Variants in HCFC1R1 observed in about 807,000 individuals in gnomAD.
HCFC1R1 encodes the protein host cell factor C1 regulator 1, also known as HCF-1 beta-propeller-interacting protein.
Under a neutral mutation model 13.3 loss-of-function variants are expected in HCFC1R1, and 17 were observed. That is an observed-to-expected ratio of 1.28 (90% CI 0.87 to 1.91). The LOEUF (loss-of-function observed/expected upper bound fraction) is 1.91. HCFC1R1 is among the 40% of genes most tolerant of loss of function. The pLI, the probability that HCFC1R1 is intolerant of heterozygous loss-of-function variation, is 0.00. For missense variants in HCFC1R1, 218 were observed against 177.9 expected (o/e 1.23, Z -1.28); for synonymous variants, 87 against 71.1 (o/e 1.22, Z -1.12).
rs1208521376 is a variant in HCFC1R1 at position 3,023,508 on chromosome 16, G to C, written c.118C>G (p.Pro40Ala). The C allele has an allele frequency of 6.2e-7, 1 of 1,605,710 alleles. No homozygotes were observed. The highest frequency in any genetic ancestry group is 1.1e-5 in the South Asian group (1 of 90,784). ...DASSPLRGAV[P>A]MSTKRRLEEE... Reference sequence around the variant, plus strand: ...TCCAGGCGCCGCTTGGTGCTCATGGGCACAGCTCCTCGGAGAGGGGAGCTG... The same window carrying C: ...TCCAGGCGCCGCTTGGTGCTCATGGCCACAGCTCCTCGGAGAGGGGAGCTG... Residue 40 changes from proline to alanine, a missense_variant, in exon 2 of 4, where the codon CCC becomes GCC. Pro to Ala is a conservative substitution (Grantham distance 27, BLOSUM62 -1). Transcript: ENST00000248089.
chr16:3,024,232 G>A, upstream of HCFC1R1: 1 of 1,522,014 alleles, frequency 6.6e-7, no homozygotes, highest in Admixed American at 1.7e-5. Context: ...CGCGCCGAAG[G>A]CGGTAGGGCG....
intron 1 of HCFC1R1, 117 bp downstream of exon 1, chr16:3,023,730 C>T (rs2072689492): frequency 1.1e-5 from 12 of 1,051,628 alleles, no homozygotes; most frequent in Admixed American, 2.2e-5. Context: ...CATCTCAGCT[C>T]ACGCCTAAGC....
upstream of HCFC1R1, chr16:3,024,051 G>C (rs952864377): frequency 1.4e-5 from 13 of 923,390 alleles, no homozygotes; most frequent in Non-Finnish European, 1.9e-5. Context: ...GCGAGGTTCT[G>C]CGCGGGCGCG....
upstream of HCFC1R1, chr16:3,023,993 G>A (rs767745519): frequency 1.9e-5 from 26 of 1,363,618 alleles, no homozygotes; most frequent in Non-Finnish European, 2.4e-5. Flanking sequence ...AGGAGTCTCT[G>A]AGGGCGTGGC....
In HCFC1R1 at chr16:3,022,786, T is replaced by A; in HGVS notation, c.*77A>T. 7.6e-7 allele frequency: 1 copy of A among 1,308,182 alleles called. No individual in the cohort carries two copies. The highest frequency in any genetic ancestry group is 1.0e-6 in the Non-Finnish European group (1 of 997,194). The allele number at this position is 1,308,182 out of a possible 1,614,324, so 81.0% of individuals were successfully genotyped here. On this transcript the variant is annotated 3_prime_UTR_variant, in exon 4 of 4. Transcript: ENST00000248089. The stretch of plus-strand genomic sequence containing the variant: ...CTACTCTGCAGGAGAGGGAGGAACC[T>A]TGTCCCTTTGCGGGAGTCGCTGGTC...
upstream of HCFC1R1, chr16:3,024,076 C>A: frequency 2.5e-6 from 2 of 788,688 alleles, no homozygotes; most frequent in Non-Finnish European, 4.0e-6. Flanking sequence ...ACGGGCGGCG[C>A]GTGGCGGAAG....
chr16:3,023,640 A>C, intron 1 of HCFC1R1, 110 bp from the exon 2 acceptor site: 4 of 1,310,434 alleles, frequency 3.1e-6, no homozygotes, highest in Non-Finnish European at 4.1e-6. Flanking sequence ...TTCCTGTCTC[A>C]GCTGGTGCCG....
intron 1 of HCFC1R1, 139 bp downstream of exon 1, chr16:3,023,708 C>T: frequency 9.8e-7 from 1 of 1,023,136 alleles, no homozygotes; most frequent in African/African-American, 1.6e-5. Context: ...CCCTCAGCCG[C>T]AGCCCCAGTC....
In HCFC1R1 at chr16:3,022,979, G is replaced by A; in HGVS notation, c.301C>T (p.Leu101Phe). The change falls in exon 4 of 4, where the codon CTT becomes TTT. Residue 101 changes from leucine (L) to phenylalanine (F), a missense_variant. Transcript: ENST00000248089. ...AGGCTGCCAGGATAGCGCCAGAGAA[G>A]CAGCTCAGAGCAAGGGCTCCTAGAA... Reference protein sequence around the residue: ...PPLRSPCSELLLWRYPGSLIP... With the variant: ...PPLRSPCSELFLWRYPGSLIP... The A allele has an allele frequency of 1.9e-6, 3 of 1,595,212 alleles. No homozygotes were observed. The highest frequency in any genetic ancestry group is 2.6e-6 in the Non-Finnish European group (3 of 1,174,360).
In HCFC1R1 at chr16:3,023,535, G is replaced by A; in HGVS notation, c.96-5C>T. 6.4e-7 allele frequency: 1 copy of A among 1,573,582 alleles called. No homozygotes were observed. Among genetic ancestry groups the A allele is most frequent in the African/African-American group, 1.4e-5 (1 of 73,024 alleles). ...ACAGCTCCTCGGAGAGGGGAGCTGG[G>A]AAAAAAAGAGAGCCTGGTGCACCCC... is the stretch of plus-strand genomic sequence containing the variant. On this transcript the variant is annotated splice_region_variant and splice_polypyrimidine_tract_variant and intron_variant, in intron 1 of 3. Coordinates refer to ENST00000248089, the MANE Select transcript of HCFC1R1 (RefSeq NM_017885.4).
rs1333822374 is a variant in HCFC1R1, at chr16:3,023,921, C to T, written c.21G>A (p.Leu7=). 6.4e-7 allele frequency: 1 copy of T among 1,557,148 alleles called. No homozygotes were observed. Residue 7 remains leucine, a synonymous_variant, in exon 1 of 4, where the codon TTG becomes TTA. Coordinates refer to ENST00000248089, the MANE Select transcript of HCFC1R1 (RefSeq NM_017885.4). ...GGGCCCCTCCCTGGGGGCCTCGCTG[C>T]AAGGGCTGCTGCAGGATCATTGGGT... MILQQP[L]QRGPQGGAQR...
upstream of HCFC1R1, chr16:3,023,978 A>C: frequency 1.4e-6 from 2 of 1,450,510 alleles, no homozygotes; most frequent in South Asian, 1.2e-5. Context: ...TCTGGGCGAC[A>C]GGGGAGGAGT....
chr16:3,022,777 G>A lies in HCFC1R1; in HGVS notation c.*86C>T. 1 of 1,249,786 alleles carries A rather than the reference G, an allele frequency of 8.0e-7. No individual in the cohort carries two copies. Among genetic ancestry groups the A allele is most frequent in the Non-Finnish European group, 1.1e-6 (1 of 945,562 alleles). The allele number at this position is 1,249,786 out of a possible 1,614,324, so 77.4% of individuals were successfully genotyped here. A position where few individuals can be genotyped will look rare whatever the true frequency, so the allele number is the denominator to read the frequency against. On this transcript the variant is annotated 3_prime_UTR_variant, in exon 4 of 4. Transcript: ENST00000248089. Reference sequence around the variant, plus strand: ...CCCAGATGCCTACTCTGCAGGAGAGGGAGGAACCTTGTCCCTTTGCGGGAG... The same window carrying A: ...CCCAGATGCCTACTCTGCAGGAGAGAGAGGAACCTTGTCCCTTTGCGGGAG...
At chr16:3,023,802 C>T (rs2072693145) in intron 1 of HCFC1R1, 45 bp downstream of exon 1, 9 of 1,420,940 alleles carry the variant, frequency 6.3e-6, no homozygotes, top group Non-Finnish European at 8.6e-6. Flanking sequence ...CCAGCCAAAG[C>T]TCCTGCGGCC....
At position 3,023,840 on chromosome 16, in the gene HCFC1R1, C is replaced by A; in HGVS notation, c.95+7G>T. 1 of 1,538,498 alleles carries A rather than the reference C, an allele frequency of 6.5e-7. No individual in the cohort carries two copies. Among genetic ancestry groups the A allele is most frequent in the Non-Finnish European group, 8.7e-7 (1 of 1,146,924 alleles). On this transcript the variant is annotated splice_region_variant and intron_variant, in intron 1 of 3. Transcript: ENST00000248089. ...TGGTCAGGCCCACCCTGGTCCCCTACACGCACCTGGCGTCCAGGCCCCAAG... is the reference window on the plus strand; with the variant it reads ...TGGTCAGGCCCACCCTGGTCCCCTAAACGCACCTGGCGTCCAGGCCCCAAG...
intron 3 of HCFC1R1, 41 bp from the exon 4 acceptor site, chr16:3,023,039 G>T: frequency 6.3e-7 from 1 of 1,581,660 alleles, no homozygotes; most frequent in South Asian, 1.2e-5. Context: ...AGCTGAGGCT[G>T]GCCTAGCTGA....
At position 3,023,856 on chromosome 16, in the gene HCFC1R1, A is replaced by G; in HGVS notation, c.86T>C (p.Leu29Pro). The G allele has an allele frequency of 6.5e-7, 1 of 1,545,530 alleles. No individual in the cohort carries two copies. Among genetic ancestry groups the G allele is most frequent in the African/African-American group, 1.4e-5 (1 of 73,680 alleles). The stretch of plus-strand genomic sequence containing the variant: ...GGTCCCCTACACGCACCTGGCGTCC[A>G]GGCCCCAAGTCACCCCCAAGGCGGC... ...PRAALGVTWG[L>P]DASSPLRGAV... Residue 29 changes from leucine to proline, a missense_variant, in exon 1 of 4, where the codon CTG (leucine) becomes CCG (proline). By Grantham distance (98) the Leu-to-Pro change is moderately conservative. Coordinates refer to ENST00000248089, the MANE Select transcript of HCFC1R1 (RefSeq NM_017885.4).
chr16:3,023,844 C>T lies in HCFC1R1; in HGVS notation c.95+3G>A. 1 of 1,540,538 alleles carries T rather than the reference C, an allele frequency of 6.5e-7. No homozygotes were observed. Among genetic ancestry groups the T allele is most frequent in the Non-Finnish European group, 8.7e-7 (1 of 1,148,344 alleles). Reference sequence around the variant, plus strand: ...CAGGCCCACCCTGGTCCCCTACACGCACCTGGCGTCCAGGCCCCAAGTCAC... The same window carrying T: ...CAGGCCCACCCTGGTCCCCTACACGTACCTGGCGTCCAGGCCCCAAGTCAC... On this transcript the variant is annotated splice_donor_region_variant and intron_variant, in intron 1 of 3. Coordinates refer to ENST00000248089, the MANE Select transcript of HCFC1R1 (RefSeq NM_017885.4).
In HCFC1R1 at chr16:3,023,911, G is replaced by C; in HGVS notation, c.31C>G (p.Pro11Ala). 1 of 1,557,824 alleles carries C rather than the reference G, an allele frequency of 6.4e-7. No homozygotes were observed. Residue 11 changes from proline (P) to alanine (A), a missense_variant, in exon 1 of 4, where the codon CCC becomes GCC. Pro to Ala is a conservative substitution (Grantham distance 27). Transcript: ENST00000248089. MILQQPLQRG[P>A]QGGAQRLPRA... ...GGGAGGCGCTGGGCCCCTCCCTGGG[G>C]GCCTCGCTGCAAGGGCTGCTGCAGG...
Sources: gnomAD v4.1 joint callset for allele counts on GRCh38, gnomAD v4.1.1 for gene constraint, MANE v1.5 for transcripts, NCBI Gene and HGNC (gene_info 2026-07-23, HGNC 2026-07-21) for gene names.